RNF213: variants seen among roughly 807,000 people sequenced by gnomAD.
RNF213 encodes E3 ubiquitin-protein ligase RNF213.
In RNF213, 341 loss-of-function variants were observed where a neutral mutation model predicts 514.4. That is an observed-to-expected ratio of 0.66 (90% CI 0.61 to 0.73). The LOEUF (loss-of-function observed/expected upper bound fraction) is 0.73. Ranked by LOEUF, RNF213 falls within the 30% of genes least tolerant of loss-of-function variation. The pLI, the probability that RNF213 is intolerant of heterozygous loss-of-function variation, is 0.00. For synonymous variants in RNF213, 2,655 were observed against 2,658.2 expected, an observed-to-expected ratio of 1.00 and a Z score of 0.04; for missense variants, 5,767 against 6,615.6, an observed-to-expected ratio of 0.87 and a Z score of 4.45.
chr17:80,293,742 G>A (rs1053436920), intron 8 of RNF213, among the ~76,000 whole-genome samples: 2 of 152,094 alleles, frequency 1.3e-5, no homozygotes, highest in Non-Finnish European at 2.9e-5. Flanking sequence ...CAGGAGAATG[G>A]CGTGAACCCG....
intron 2 of RNF213, among the ~76,000 whole-genome samples, chr17:80,269,061 G>A (rs917788921): frequency 7.9e-5 from 12 of 152,178 alleles, no homozygotes; most frequent in African/African-American, 2.4e-4. Context: ...CAAGAGGAAC[G>A]TGAGGAAGCA....
At chr17:80,371,166 T>C (rs1299102500) in intron 46 of RNF213, among the ~76,000 whole-genome samples, 1 of 152,282 alleles carries the variant, frequency 6.6e-6, no homozygotes, top group Non-Finnish European at 1.5e-5. Flanking sequence ...CAGACCTTTT[T>C]GATTTTAACA....
chr17:80,350,524 C>G, intron 31 of RNF213, 128 bp downstream of exon 31: 1 of 686,336 alleles, frequency 1.5e-6, no homozygotes, highest in Non-Finnish European at 2.6e-6. Context: ...CAATTCTTCC[C>G]CCGCCTCATT....
rs2080606168 is a variant in RNF213 at position 80,394,554 on chromosome 17, T to C, written c.*1056T>C. 1 of 152,228 alleles carries C rather than the reference T, an allele frequency of 6.6e-6. No homozygotes were observed. The highest frequency in any genetic ancestry group is 1.5e-5 in the Non-Finnish European group (1 of 68,044). 9.4% of individuals were successfully genotyped at this position (152,228 alleles called of 1,614,324 possible). On this transcript the variant is annotated 3_prime_UTR_variant, in exon 68 of 68. Coordinates refer to ENST00000582970, the MANE Select transcript of RNF213 (RefSeq NM_001256071.3). ...TCTGCTTTGATACTTAGGACCTCTC[T>C]GGACTAATTTCTCTTCCTAGACAGC...
chr17:80,269,731 C>T (rs1214309610), intron 2 of RNF213, among the ~76,000 whole-genome samples: 1 of 151,956 alleles, frequency 6.6e-6, no homozygotes, highest in Non-Finnish European at 1.5e-5. Context: ...TCTATCCCAT[C>T]TTATCTATCC....
rs1245223456 is a variant in RNF213 at position 80,298,418 on chromosome 17, C to T, written c.2110C>T (p.Leu704=). 4 of 1,614,194 alleles carry T rather than the reference C, an allele frequency of 2.5e-6. No homozygotes were observed. The highest frequency in any genetic ancestry group is 3.4e-6 in the Non-Finnish European group (4 of 1,180,034). Residue 704 remains leucine (L), a synonymous_variant, in exon 11 of 68, where the codon CTG becomes TTG. Transcript: ENST00000582970. ...ALPVLHCCME[L]APRHKDAWRQ... Reference sequence around the variant, plus strand: ...GCCTGTCCTGCACTGCTGTATGGAGCTGGCCCCGCGGCACAAGGATGCCTG... The same window carrying T: ...GCCTGTCCTGCACTGCTGTATGGAGTTGGCCCCGCGGCACAAGGATGCCTG...
rs200188581 is a variant in RNF213, at chr17:80,287,973, G to C, written c.420G>C (p.Gln140His). ...DTALPHSQAQ[Q>H]SGPTGQPSQP... is the part of the protein sequence containing the mutation. ...CCCTGCCCCACAGCCAAGCCCAGCAGAGTGGCCCCACTGGCCAGCCGAGCC... is the reference window on the plus strand; with the variant it reads ...CCCTGCCCCACAGCCAAGCCCAGCACAGTGGCCCCACTGGCCAGCCGAGCC... The change falls in exon 4 of 68, where the codon CAG (glutamine) becomes CAC (histidine). Residue 140 changes from glutamine to histidine, a missense_variant. Gln to His is a conservative substitution (Grantham distance 24). Coordinates refer to ENST00000582970, the MANE Select transcript of RNF213 (RefSeq NM_001256071.3). 8.2e-6 allele frequency: 13 copies of C among 1,575,886 alleles called. No individual in the cohort carries two copies. The African/African-American group carries it at 1.5e-4, about 18-fold the overall frequency.
chr17:80,328,078 G>A (rs2046325225), intron 19 of RNF213, 89 bp downstream of exon 19: 2 of 1,432,908 alleles, frequency 1.4e-6, no homozygotes, highest in Non-Finnish European at 9.5e-7. Flanking sequence ...TTTTTGTAAA[G>A]GAGATAATCA....
At chr17:80,325,632 T>C (rs766624810) in intron 18 of RNF213, among the ~76,000 whole-genome samples, 2 of 152,040 alleles carry the variant, frequency 1.3e-5, no homozygotes, top group Admixed American at 1.3e-4. Context: ...CAAGCCAACA[T>C]TGATGACCTC....
intron 10 of RNF213, among the ~76,000 whole-genome samples, chr17:80,296,400 G>A (rs977507129): frequency 6.6e-6 from 1 of 152,190 alleles, no homozygotes; most frequent in African/African-American, 2.4e-5. Flanking sequence ...GTGGCGTGAC[G>A]CCAGCCTGAA....
At chr17:80,324,693 G>A (rs537244247) in intron 17 of RNF213, among the ~76,000 whole-genome samples, 3 of 151,642 alleles carry the variant, frequency 2.0e-5, no homozygotes, top group Non-Finnish European at 2.9e-5. Flanking sequence ...CTATATTAAG[G>A]GTTTATTCAT....
At chr17:80,359,130 C>G (rs1039935441) in intron 37 of RNF213, among the ~76,000 whole-genome samples, 1 of 152,264 alleles carries the variant, frequency 6.6e-6, no homozygotes, top group East Asian at 1.9e-4. Context: ...GCCCCCACCC[C>G]CTTCCGCAGG....
chr17:80,328,732 G>A (rs116898060), intron 20 of RNF213, among the ~76,000 whole-genome samples: 5,373 of 152,216 alleles, frequency 0.035, 123 homozygotes, highest in South Asian at 0.065. Context: ...GCTGACGCCC[G>A]CTGCAGAAGA....
intron 37 of RNF213, among the ~76,000 whole-genome samples, chr17:80,359,599 CGAGAGAAA>C (rs369127560): frequency 2.4e-4 from 27 of 114,504 alleles, no homozygotes; most frequent in East Asian, 1.1e-3. Flanking sequence ...AAAGAAAGAG[CGAGAGAAA>C]GAGAGAAAGA....
intron 30 of RNF213, 128 bp from the exon 31 acceptor site, chr17:80,350,173 T>TA: frequency 1.3e-6 from 1 of 777,988 alleles, no homozygotes; most frequent in South Asian, 1.5e-5. Flanking sequence ...TATCTGTTCT[T>TA]ACTGAAGAAA....
rs151007531 is a variant in RNF213, at chr17:80,377,040, C to T, written c.13510+77C>T. 1,238 of 1,169,732 alleles carry T rather than the reference C, an allele frequency of 1.1e-3. 6 individuals are homozygous for T. The African/African-American group carries it at 0.017, about 16-fold the overall frequency. The allele number at this position is 1,169,732 out of a possible 1,614,324, so 72.5% of individuals were successfully genotyped here. On this transcript the variant is annotated intron_variant, in intron 53 of 67. Coordinates refer to ENST00000582970, the MANE Select transcript of RNF213 (RefSeq NM_001256071.3). The surrounding 1 kb of genome is among the most constrained non-coding windows in gnomAD (Gnocchi z 4.1). ...TCCAGATGCTATGAAGCATTGGGTT[C>T]GACTTGGGGTCCACGTGGTTTGTGC...
chr17:80,349,792 T>C lies in RNF213; in HGVS notation c.9974T>C (p.Leu3325Pro). 2 of 1,614,170 alleles carry C rather than the reference T, an allele frequency of 1.2e-6. No homozygotes were observed. Among genetic ancestry groups the C allele is most frequent in the Non-Finnish European group, 8.5e-7 (1 of 1,180,020 alleles). Residue 3325 changes from leucine to proline, a missense_variant, in exon 30 of 68, where the codon CTA (leucine) becomes CCA (proline). Leu to Pro is a moderately conservative substitution (Grantham distance 98). Around this residue, in one of 13 missense-constraint regions of RNF213, gnomAD observed 919 missense variants for 1,121.0 expected, o/e 0.82. Transcript: ENST00000582970. ...FTEITTFSRL[L>P]TSHDCEILES... is the part of the protein sequence containing the mutation. The stretch of plus-strand genomic sequence containing the variant: ...TAGATCACCACTTTCTCCAGGCTGC[T>C]AACAAGTCACGACTGTGAAATTTTA...
chr17:80,352,724 A>T (rs1216836493), intron 32 of RNF213: 6 of 699,900 alleles, frequency 8.6e-6, no homozygotes, highest in Admixed American at 4.0e-5. Context: ...GTTGCTGCTT[A>T]TGGTGAAGCT....
Position 80,394,911 on chromosome 17 carries a change from ATCTGC to A in RNF213, c.*1414_*1418del, listed in dbSNP as rs2080617761. 1 of 152,132 alleles carries A rather than the reference ATCTGC, an allele frequency of 6.6e-6. No homozygotes were observed. The allele number at this position is 152,132 out of a possible 1,614,324, so 9.4% of individuals were successfully genotyped here. On this transcript the variant is annotated 3_prime_UTR_variant, in exon 68 of 68. Transcript: ENST00000582970. Reference sequence around the variant, plus strand: ...CTGTGCAGAGCCACCTGCCACCGAGATCTGCATTCCGACTGCCTATGAACGGGTGT... The same window carrying A: ...CTGTGCAGAGCCACCTGCCACCGAGAATTCCGACTGCCTATGAACGGGTGT...
Sources: allele counts gnomAD v4.1 joint callset (sites outside exome capture counted in the v4.1 genomes callset), GRCh38; gene constraint gnomAD v4.1.1; regional missense constraint gnomAD v4.1.1; non-coding constraint Gnocchi (gnomAD v3.1); transcripts MANE v1.5; gene names NCBI Gene and HGNC (gene_info 2026-07-23, HGNC 2026-07-21).